The following KRTCAP3 variants were observed in gnomAD, a reference collection of about 807,000 sequenced individuals.
KRTCAP3 encodes the protein keratinocyte-associated protein 3.
A neutral mutation model predicts 20.5 loss-of-function variants in KRTCAP3; 18 were observed. The observed-to-expected ratio is 0.88, with a 90% confidence interval of 0.61 to 1.31. KRTCAP3 has a LOEUF of 1.31. Among genes scored for constraint, KRTCAP3 ranks in the 50% most tolerant of loss-of-function variants. The pLI is 0.00. For synonymous variants in KRTCAP3, 167 were observed against 133.7 expected (o/e 1.25, Z -1.72); for missense variants, 347 against 310.4 (o/e 1.12, Z -0.89).
At chr2:27,444,566 A>C (rs1664859774), downstream of KRTCAP3, 1 of 1,480,980 alleles carries the variant, frequency 6.8e-7, no homozygotes, top group African/African-American at 1.4e-5. Context: ...TTAATGCTGG[A>C]AATACAAAAT....
rs779112199 is a variant in KRTCAP3, at chr2:27,442,703, C to T, written c.153C>T (p.Arg51=). ...GTVLRHVANP[R]GAVTPEYTVA... is the part of the protein sequence containing the mutation. ...TCCTGCGGCACGTGGCCAATCCCCGCGGCGCTGTCACGCCGGAGTACACCG... is the reference window on the plus strand; with the variant it reads ...TCCTGCGGCACGTGGCCAATCCCCGTGGCGCTGTCACGCCGGAGTACACCG... The change falls in exon 2 of 7, where the codon CGC becomes CGT. Residue 51 remains arginine (R), a synonymous_variant. Transcript: ENST00000288873. The T allele has an allele frequency of 2.5e-6, 4 of 1,592,710 alleles. No individual in the cohort carries two copies. The highest frequency in any genetic ancestry group is 2.3e-5 in the South Asian group (2 of 88,676).
chr2:27,444,926 G>A, downstream of KRTCAP3: 2 of 1,414,542 alleles, frequency 1.4e-6, no homozygotes, highest in South Asian at 2.6e-5. Flanking sequence ...TGGGATTAAA[G>A]GTATGAGCCA....
In KRTCAP3 at chr2:27,442,754, G is replaced by A. The variant is rs754651027; in HGVS notation, c.204G>A (p.Ser68=). Residue 68 remains serine (S), a synonymous_variant, in exon 2 of 7, where the codon TCG becomes TCA. Transcript: ENST00000288873. ...TAGCCAATGTCATCTCTGTCGGCTC[G>A]GGGCTGCTGGTGAGCGCGGCAGGCG... ...YTVANVISVG[S]GLLSVSVGLV... is the part of the protein sequence containing the mutation. 10 of 1,609,000 alleles carry A rather than the reference G, an allele frequency of 6.2e-6. No individual in the cohort carries two copies. In the Admixed American group the frequency reaches 1.7e-4, roughly 27 times the overall value.
downstream of KRTCAP3, chr2:27,445,209 C>T (rs1175643480): frequency 6.3e-7 from 1 of 1,580,818 alleles, no homozygotes; most frequent in East Asian, 2.2e-5. This position sits in a 1 kb window ranked among gnomAD's most constrained non-coding sequence, Gnocchi z 4.4. Flanking sequence ...TCTTTTGTAC[C>T]CTTTACTGAA....
rs750082263 is a variant in KRTCAP3 at position 27,442,608 on chromosome 2, C to A, written c.58C>A (p.Arg20Ser). Residue 20 changes from arginine (R) to serine (S), a missense_variant, in exon 2 of 7, where the codon CGT (arginine) becomes AGT (serine). Physicochemically the swap from Arg to Ser is moderately radical, Grantham distance 110 (BLOSUM62 -1). Transcript: ENST00000288873. ...CGCCCGGGGGCCCAGGCGGCTGATG[C>A]GTGTGGGCCTCGCGCTGATCTTGGT... The part of the protein sequence containing the change: ...DAARGPRRLM[R>S]VGLALILVGH... The A allele has an allele frequency of 1.3e-6, 2 of 1,556,564 alleles. No homozygotes were observed. The highest frequency in any genetic ancestry group is 3.9e-5 in the Admixed American group (2 of 51,266).
intron 4 of KRTCAP3, 23 bp from the exon 5 acceptor site, chr2:27,443,375 T>TC: frequency 6.2e-7 from 1 of 1,614,084 alleles, no homozygotes; most frequent in African/African-American, 1.3e-5. Flanking sequence ...TCCCTCCTAC[T>TC]CCCCATCCTT....
chr2:27,443,107 C>T lies in KRTCAP3; in HGVS notation c.307C>T (p.Leu103=). 6.2e-7 allele frequency: 1 copy of T among 1,614,056 alleles called. No individual in the cohort carries two copies. The highest frequency in any genetic ancestry group is 8.5e-7 in the Non-Finnish European group (1 of 1,180,026). The change falls in exon 4 of 7, where the codon CTG becomes TTG. Residue 103 remains leucine (L), a synonymous_variant. Coordinates refer to ENST00000288873, the MANE Select transcript of KRTCAP3 (RefSeq NM_173853.4). ...WVLLALALVN[L]LLSVACSLGL... is the part of the protein sequence containing the mutation. Reference sequence around the variant, plus strand: ...CCTGCTGGCACTAGCTCTGGTGAACCTGCTCTTGTCCGTTGCCTGCTCCCT... The same window carrying T: ...CCTGCTGGCACTAGCTCTGGTGAACTTGCTCTTGTCCGTTGCCTGCTCCCT...
In KRTCAP3 at chr2:27,442,664, GCTGCATGGCACCGTC is replaced by G. The variant is rs767602712; in HGVS notation, c.119_133del (p.His40_Leu44del). On this transcript the variant is annotated inframe_deletion, in exon 2 of 7. Transcript: ENST00000288873. ...ACGTGAACCTGCTGCTGGGGGCCGT[GCTGCATGGCACCGTC>G]CTGCGGCACGTGGCCAATCCCCGCG... 3.8e-6 allele frequency: 6 copies of G among 1,585,810 alleles called. No homozygotes were observed. In the African/African-American group the frequency reaches 8.1e-5, roughly 21 times the overall value.
At position 27,442,895 on chromosome 2, in the gene KRTCAP3, T is replaced by C. The variant is rs1029351055; in HGVS notation, c.267T>C (p.Pro89=). The C allele has an allele frequency of 3.1e-6, 5 of 1,613,104 alleles. No homozygotes were observed. The Admixed American group carries it at 6.7e-5, about 22-fold the overall frequency. Residue 89 remains proline (P), a synonymous_variant, in exon 3 of 7, where the codon CCT becomes CCC. Coordinates refer to ENST00000288873, the MANE Select transcript of KRTCAP3 (RefSeq NM_173853.4). ...ALLASRNLLR[P]PLHWVLLALA... The stretch of plus-strand genomic sequence containing the variant: ...TGGCGTCCAGGAACCTTCTTCGCCC[T>C]CCACTGGTGAGAGGGACTTCCCTGG...
At position 27,442,752 on chromosome 2, in the gene KRTCAP3, T is replaced by G; in HGVS notation, c.202T>G (p.Ser68Ala). The G allele has an allele frequency of 1.2e-6, 2 of 1,609,108 alleles. No homozygotes were observed. The highest frequency in any genetic ancestry group is 1.7e-6 in the Non-Finnish European group (2 of 1,177,814). ...CGTAGCCAATGTCATCTCTGTCGGC[T>G]CGGGGCTGCTGGTGAGCGCGGCAGG... Reference protein sequence around the residue: ...YTVANVISVGSGLLSVSVGLV... With the variant: ...YTVANVISVGAGLLSVSVGLV... Residue 68 changes from serine to alanine, a missense_variant, in exon 2 of 7, where the codon TCG becomes GCG. Transcript: ENST00000288873.
In KRTCAP3 at chr2:27,444,046, G is replaced by C. The variant is rs1445856004; in HGVS notation, c.713G>C (p.Ser238Thr). ...QNQEIRASQR[S>T]WV ...CAAGAAATCCGGGCATCACAGAGAAGTTGGGTTTAGGACAGGTAATGGGCC... is the reference window on the plus strand; with the variant it reads ...CAAGAAATCCGGGCATCACAGAGAACTTGGGTTTAGGACAGGTAATGGGCC... Residue 238 changes from serine to threonine, a missense_variant, in exon 6 of 7, where the codon AGT becomes ACT. Coordinates refer to ENST00000288873, the MANE Select transcript of KRTCAP3 (RefSeq NM_173853.4). The C allele has an allele frequency of 1.9e-6, 3 of 1,610,734 alleles. No individual in the cohort carries two copies. Among genetic ancestry groups the C allele is most frequent in the South Asian group, 2.2e-5 (2 of 91,008 alleles).
At chr2:27,445,419 C>G, downstream of KRTCAP3, 1 of 1,612,068 alleles carries the variant, frequency 6.2e-7, no homozygotes, top group Non-Finnish European at 8.5e-7. The surrounding 1 kb of genome is among the most constrained non-coding windows in gnomAD (Gnocchi z 4.4). Context: ...ACTGTAAGCA[C>G]CCAGTCTCGA....
downstream of KRTCAP3, chr2:27,446,230 T>C: frequency 1.9e-6 from 3 of 1,604,734 alleles, no homozygotes; most frequent in Non-Finnish European, 2.6e-6. Context: ...CTTCCTCCTA[T>C]CTGCCCCACC....
At chr2:27,444,714 C>G (rs1664878284), downstream of KRTCAP3, among the ~76,000 whole-genome samples, 1 of 152,212 alleles carries the variant, frequency 6.6e-6, no homozygotes, top group Non-Finnish European at 1.5e-5. Flanking sequence ...GTGGCACAAT[C>G]TCAGCTCACT....
chr2:27,446,107 C>G, downstream of KRTCAP3: 1 of 1,414,664 alleles, frequency 7.1e-7, no homozygotes, highest in African/African-American at 1.4e-5. Flanking sequence ...TCTCTGGGAT[C>G]CAGGGAGAAA....
chr2:27,444,315 T>C, downstream of KRTCAP3: 1 of 685,918 alleles, frequency 1.5e-6, no homozygotes, highest in South Asian at 1.8e-5. Context: ...ATGATTCCTT[T>C]TGGGGAAAAG....
chr2:27,442,659 G>A lies in KRTCAP3; in HGVS notation c.109G>A (p.Ala37Thr), dbSNP rs1310514166. The A allele has an allele frequency of 6.3e-7, 1 of 1,583,646 alleles. No homozygotes were observed. Among genetic ancestry groups the A allele is most frequent in the Non-Finnish European group, 8.6e-7 (1 of 1,164,840 alleles). The change falls in exon 2 of 7, where the codon GCC (alanine) becomes ACC (threonine). Residue 37 changes from alanine to threonine, a missense_variant. Coordinates refer to ENST00000288873, the MANE Select transcript of KRTCAP3 (RefSeq NM_173853.4). ...LVGHVNLLLGAVLHGTVLRHV... is the reference protein window; with the variant it reads ...LVGHVNLLLGTVLHGTVLRHV... ...GGGCCACGTGAACCTGCTGCTGGGG[G>A]CCGTGCTGCATGGCACCGTCCTGCG...
At chr2:27,445,232 T>G (rs532307393), downstream of KRTCAP3, 2 of 1,583,120 alleles carry the variant, frequency 1.3e-6, no homozygotes, top group East Asian at 2.2e-5. This position sits in a 1 kb window ranked among gnomAD's most constrained non-coding sequence, Gnocchi z 4.4. Context: ...CTAGTAAAAT[T>G]AAGTTTATTG....
Position 27,443,931 on chromosome 2 carries a change from C to CTTCTTCTATCTTCT in KRTCAP3, c.616-17_616-16insTCTTCTATCTTCTT, listed in dbSNP as rs1491142003. ...TATCATTCAGGGCGAGGGTGTCTAA[C>CTTCTTCTATCTTCT]TCTATCTTCTTCTGCAGCTAGAGGA... is the stretch of plus-strand genomic sequence containing the variant. On this transcript the variant is annotated splice_polypyrimidine_tract_variant and intron_variant, in intron 5 of 6. Transcript: ENST00000288873. 6 of 1,420,688 alleles carry CTTCTTCTATCTTCT rather than the reference C, an allele frequency of 4.2e-6. No individual in the cohort carries two copies. The highest frequency in any genetic ancestry group is 6.0e-6 in the Non-Finnish European group (6 of 1,003,398). 88.0% of individuals were successfully genotyped at this position (1,420,688 alleles called of 1,614,324 possible).
Sources: gnomAD v4.1 joint callset for allele counts (sites outside exome capture counted in the v4.1 genomes callset) on GRCh38, gnomAD v4.1.1 for gene constraint, Gnocchi (gnomAD v3.1) non-coding constraint, MANE v1.5 for transcripts, NCBI Gene and HGNC (gene_info 2026-07-23, HGNC 2026-07-21) for gene names.